P4HA3: variants seen among roughly 807,000 people sequenced by gnomAD.
P4HA3 encodes prolyl 4-hydroxylase subunit alpha 3, also known as prolyl 4-hydroxylase subunit alpha-3.
A neutral mutation model predicts 66.7 loss-of-function variants in P4HA3; 60 were observed. The ratio of observed to expected loss-of-function variants is 0.90; its 90% confidence interval spans 0.73 to 1.12. The LOEUF (loss-of-function observed/expected upper bound fraction) is 1.12, where lower values mean the gene tolerates loss of function less well. Among genes scored for constraint, P4HA3 ranks in the 50% most tolerant of loss-of-function variants. P4HA3 has a pLI of 0.00. For synonymous variants in P4HA3, 263 were observed against 274.6 expected, an observed-to-expected ratio of 0.96 and a Z score of 0.42; for missense variants, 683 against 685.8, an observed-to-expected ratio of 1.00 and a Z score of 0.05.
chr11:74,299,369 A>G (rs1223532535), intron 3 of P4HA3, among the ~76,000 whole-genome samples: 1 of 152,202 alleles, frequency 6.6e-6, no homozygotes, highest in East Asian at 1.9e-4. Context: ...CCTGACAGGG[A>G]AAAATCCTAG....
chr11:74,302,301 C>T (rs1414858568), intron 3 of P4HA3, 68 bp downstream of exon 3: 13 of 1,325,550 alleles, frequency 9.8e-6, no homozygotes, highest in Middle Eastern at 2.7e-4. Flanking sequence ...TAAAATCAAT[C>T]GGTACATAGT....
At chr11:74,271,090 C>T (rs563743729) in intron 10 of P4HA3, among the ~76,000 whole-genome samples, 212 of 152,300 alleles carry the variant, frequency 1.4e-3, no homozygotes, top group Admixed American at 2.9e-3. Context: ...AATCTTATGG[C>T]AGTCAGATCC....
chr11:74,275,161 A>C (rs550232920), intron 9 of P4HA3, among the ~76,000 whole-genome samples: 2 of 152,156 alleles, frequency 1.3e-5, no homozygotes, highest in Non-Finnish European at 2.9e-5. Context: ...TTTTTTGAAA[A>C]GCAAAGAATT....
At chr11:74,252,616 G>T in intron 15 of P4HA3, 1 of 447,244 alleles carries the variant, frequency 2.2e-6, no homozygotes, top group Non-Finnish European at 4.5e-6. Flanking sequence ...TCATTGTGGG[G>T]ACTGTCCTGT....
intron 15 of P4HA3, chr11:74,253,539 C>T (rs200481312): frequency 1.6e-5 from 26 of 1,592,696 alleles, no homozygotes; most frequent in African/African-American, 4.0e-5. Context: ...TCCTCAACAT[C>T]GAGCTCTGTT....
At chr11:74,289,011 G>T in intron 5 of P4HA3, 68 bp downstream of exon 5, 1 of 1,165,946 alleles carries the variant, frequency 8.6e-7, no homozygotes, top group Non-Finnish European at 1.2e-6. Flanking sequence ...GGAATTAAAG[G>T]CCAGGAGCAG....
chr11:74,283,121 G>A (rs1386335630), intron 7 of P4HA3, among the ~76,000 whole-genome samples: 1 of 152,212 alleles, frequency 6.6e-6, no homozygotes, highest in Non-Finnish European at 1.5e-5. Context: ...TGTCAGTCCA[G>A]GGCTGATTCC....
At position 74,308,682 on chromosome 11, in the gene P4HA3, TG is replaced by T. The variant is rs140665836; in HGVS notation, c.200+2729del. Among the ~76,000 whole-genome samples, 1,015 of 152,298 alleles carry T rather than the reference TG, an allele frequency of 6.7e-3. 13 individuals are homozygous for T. The highest frequency in any genetic ancestry group is 0.024 in the African/African-American group (979 of 41,564). ...AAAATAATTGAGAACTTTTCTGATT[TG>T]TTTTTTTATCTAGGCTGTCACAATC... On this transcript the variant is annotated intron_variant, in intron 1 of 12. Transcript: ENST00000331597.
At chr11:74,257,898 G>A (rs1245527141) in intron 15 of P4HA3, among the ~76,000 whole-genome samples, 4 of 152,138 alleles carry the variant, frequency 2.6e-5, no homozygotes, top group Non-Finnish European at 1.5e-5. Flanking sequence ...AAAGAGACTA[G>A]TTAGATTTCA....
chr11:74,273,837 A>C (rs772062494), intron 9 of P4HA3, among the ~76,000 whole-genome samples: 1 of 152,126 alleles, frequency 6.6e-6, no homozygotes, highest in African/African-American at 2.4e-5. Context: ...CTACTACCAA[A>C]CAGAACTACT....
At chr11:74,304,448 T>C in intron 1 of P4HA3, 36 bp from the exon 2 acceptor site, 2 of 1,609,620 alleles carry the variant, frequency 1.2e-6, no homozygotes, top group Non-Finnish European at 1.7e-6. Context: ...CACCTCCTGA[T>C]ACAACCACTA....
At chr11:74,260,827 T>C (rs1591080759) in intron 14 of P4HA3, among the ~76,000 whole-genome samples, 1 of 152,178 alleles carries the variant, frequency 6.6e-6, no homozygotes, top group Admixed American at 6.5e-5. Context: ...CACCTCCATA[T>C]GCACATATGG....
chr11:74,286,694 T>C (rs575149845), intron 5 of P4HA3, among the ~76,000 whole-genome samples: 1 of 152,188 alleles, frequency 6.6e-6, no homozygotes, highest in South Asian at 2.1e-4. Flanking sequence ...TGGGATACTG[T>C]GATGGTATAT....
chr11:74,303,787 T>C (rs1861492316), intron 2 of P4HA3, among the ~76,000 whole-genome samples: 3 of 152,002 alleles, frequency 2.0e-5, no homozygotes, highest in Admixed American at 2.0e-4. Context: ...TTTCACTATG[T>C]TGGTTAGGCT....
intron 7 of P4HA3, 54 bp downstream of exon 7, chr11:74,285,755 T>G (rs1359712109): frequency 1.2e-5 from 19 of 1,565,972 alleles, no homozygotes; most frequent in East Asian, 2.2e-5. Context: ...ACTCCTGAAC[T>G]CCAGGCATGT....
chr11:74,251,822 C>A, intron 15 of P4HA3: 2 of 1,370,112 alleles, frequency 1.5e-6, no homozygotes, highest in Non-Finnish European at 2.1e-6. Context: ...CTGGTTTGGT[C>A]ACCATGCCTT....
At chr11:74,279,316 G>T in intron 8 of P4HA3, 72 bp downstream of exon 8, 2 of 1,412,826 alleles carry the variant, frequency 1.4e-6, no homozygotes, top group Non-Finnish European at 2.0e-6. Context: ...AATGGCTGTT[G>T]CTGACTGGCA....
At position 74,267,312 on chromosome 11, in the gene P4HA3, T is replaced by C. The variant is rs765957923; in HGVS notation, c.1571A>G (p.Asn524Ser). ...PVLVGDKWVA[N>S]KWIHEYGQEF... is the part of the protein sequence containing the mutation. ...CTGTCCATACTCATGTATCCACTTG[T>C]TGGCCACTGGGAGAGAACAGGGAAG... The change falls in exon 13 of 13, where the codon AAC becomes AGC. Residue 524 changes from asparagine to serine, a missense_variant. Physicochemically the swap from Asn to Ser is conservative, Grantham distance 46. Coordinates refer to ENST00000331597, the MANE Select transcript of P4HA3 (RefSeq NM_182904.5). 1.2e-6 allele frequency: 2 copies of C among 1,614,148 alleles called. No individual in the cohort carries two copies. Among genetic ancestry groups the C allele is most frequent in the South Asian group, 2.2e-5 (2 of 91,076 alleles).
At chr11:74,298,504 T>G in intron 3 of P4HA3, 143 bp from the exon 4 acceptor site, 1 of 995,034 alleles carries the variant, frequency 1.0e-6, no homozygotes, top group East Asian at 2.4e-5. Flanking sequence ...TTATTAAGCA[T>G]CTACTATATA....
Sources: gnomAD v4.1 joint callset for allele counts (sites outside exome capture counted in the v4.1 genomes callset) on GRCh38, gnomAD v4.1.1 for gene constraint, MANE v1.5 for transcripts, NCBI Gene and HGNC (gene_info 2026-07-23, HGNC 2026-07-21) for gene names.